MPDZ: variants seen among roughly 807,000 people sequenced by gnomAD.
MPDZ encodes multiple PDZ domain protein.
MPDZ carries 234 observed loss-of-function variants against 239.1 expected under a neutral mutation model. The ratio of observed to expected loss-of-function variants is 0.98; its 90% CI spans 0.88 to 1.09. The LOEUF (loss-of-function observed/expected upper bound fraction) is 1.09. Among genes scored for constraint, MPDZ ranks in the 50% least tolerant of loss-of-function variants. The pLI is 0.00. For missense variants in MPDZ, 3,175 were observed against 2,510.0 expected (o/e 1.26, Z -5.66); for synonymous variants, 1,048 against 881.3 (o/e 1.19, Z -3.35).
At chr9:13,161,960 T>C (rs1950540262) in intron 23 of MPDZ, among the ~76,000 whole-genome samples, 1 of 151,860 alleles carries the variant, frequency 6.6e-6, no homozygotes, top group Admixed American at 6.6e-5. Flanking sequence ...AGCAAGAAAA[T>C]TACAAATAAA....
chr9:13,170,331 A>G (rs1951626796), intron 21 of MPDZ, among the ~76,000 whole-genome samples: 1 of 152,198 alleles, frequency 6.6e-6, no homozygotes, highest in Non-Finnish European at 1.5e-5. Context: ...GATGTGGGCA[A>G]TTCAGGCTCC....
At chr9:13,226,282 A>G (rs1175595095) in intron 3 of MPDZ, among the ~76,000 whole-genome samples, 3 of 152,146 alleles carry the variant, frequency 2.0e-5, no homozygotes, top group African/African-American at 7.2e-5. Context: ...TGTGCCTTTT[A>G]AAAGAGTTTG....
chr9:13,217,411 C>G (rs1025971135), intron 8 of MPDZ, 117 bp from the exon 9 acceptor site: 1 of 653,272 alleles, frequency 1.5e-6, no homozygotes, highest in African/African-American at 1.9e-5. Flanking sequence ...TACTTTAATT[C>G]TCTAGCAAAG....
intron 22 of MPDZ, chr9:13,165,311 T>G: frequency 6.5e-7 from 1 of 1,528,450 alleles, no homozygotes; most frequent in Middle Eastern, 1.7e-4. Context: ...AAAATTGTTT[T>G]CACAGACAAG....
intron 21 of MPDZ, among the ~76,000 whole-genome samples, chr9:13,175,478 TCATA>T (rs1952346583): frequency 6.6e-6 from 1 of 152,214 alleles, no homozygotes; most frequent in Non-Finnish European, 1.5e-5. Flanking sequence ...ATTTGCTGTT[TCATA>T]CACAAACAAT....
chr9:13,275,410 C>A (rs920689526), intron 1 of MPDZ, among the ~76,000 whole-genome samples: 14 of 152,280 alleles, frequency 9.2e-5, no homozygotes, highest in African/African-American at 3.4e-4. Flanking sequence ...TTGGTAGAAA[C>A]CAATCCCACC....
At chr9:13,221,737 C>G (rs1355504919) in intron 6 of MPDZ, among the ~76,000 whole-genome samples, 1 of 151,456 alleles carries the variant, frequency 6.6e-6, no homozygotes, top group African/African-American at 2.4e-5. Flanking sequence ...TTCACTTCAA[C>G]AGTTAAAGAC....
chr9:13,227,902 G>A (rs1317040106), intron 3 of MPDZ, among the ~76,000 whole-genome samples: 2 of 151,816 alleles, frequency 1.3e-5, no homozygotes, highest in East Asian at 1.9e-4. Flanking sequence ...TTATAAATTG[G>A]CAAATTTATA....
intron 32 of MPDZ, among the ~76,000 whole-genome samples, chr9:13,133,601 C>T (rs1373615951): frequency 1.3e-5 from 2 of 152,268 alleles, no homozygotes; most frequent in Non-Finnish European, 2.9e-5. Flanking sequence ...CAAACGTAAA[C>T]GTGCATCAGG....
In MPDZ at chr9:13,136,099, T is replaced by C. The variant is rs1946697642; in HGVS notation, c.4376A>G (p.Asn1459Ser). Residue 1459 changes from asparagine (N) to serine (S), a missense_variant, in exon 31 of 47, where the codon AAT (asparagine) becomes AGT (serine). Coordinates refer to ENST00000319217, the MANE Select transcript of MPDZ (RefSeq NM_001378778.1). ...AACATAAGTTACATATACCTCCTTATTTTGAAGATTTTCTGAGTTAGAAGG... is the reference window on the plus strand; with the variant it reads ...AACATAAGTTACATATACCTCCTTACTTTGAAGATTTTCTGAGTTAGAAGG... ...PLPSNSENLQNKETEPTVTTS... is the reference protein window; with the variant it reads ...PLPSNSENLQSKETEPTVTTS... 6.2e-7 allele frequency: 1 copy of C among 1,605,422 alleles called. No individual in the cohort carries two copies. Among genetic ancestry groups the C allele is most frequent in the Non-Finnish European group, 8.5e-7 (1 of 1,173,424 alleles).
At chr9:13,223,487 T>G in intron 5 of MPDZ, 84 bp downstream of exon 5, 1 of 1,430,266 alleles carries the variant, frequency 7.0e-7, no homozygotes, top group East Asian at 2.4e-5. Flanking sequence ...TGCCATTCAT[T>G]ATTATTTTTC....
chr9:13,233,867 C>T (rs1233952172), intron 3 of MPDZ, among the ~76,000 whole-genome samples: 1 of 152,126 alleles, frequency 6.6e-6, no homozygotes, highest in Admixed American at 6.6e-5. Context: ...TAACTGAAGA[C>T]AAAGTTGGTC....
intron 3 of MPDZ, among the ~76,000 whole-genome samples, chr9:13,227,407 C>T (rs1171744991): frequency 2.0e-5 from 3 of 151,794 alleles, no homozygotes; most frequent in African/African-American, 4.8e-5. Context: ...ATGGCAACTT[C>T]AATAAAGTTT....
rs935643297 is a variant in MPDZ, at chr9:13,266,640, G to C, written c.-58+12760C>G. 2.0e-5 allele frequency among the ~76,000 whole-genome samples: 3 copies of C among 152,122 alleles called. No homozygotes were observed. The South Asian group carries it at 6.2e-4, about 32-fold the overall frequency. On this transcript the variant is annotated intron_variant, in intron 1 of 46. Coordinates refer to ENST00000319217, the MANE Select transcript of MPDZ (RefSeq NM_001378778.1). The stretch of plus-strand genomic sequence containing the variant: ...TAACTTGTTAAGACCACATTTAATA[G>C]ATTCAGTAGAGAGTCAAAGAAAATA...
rs1249265232 is a variant in MPDZ, at chr9:13,107,031, G to A, written c.6147C>T (p.Thr2049=). Residue 2049 remains threonine, a synonymous_variant, in exon 47 of 47, where the codon ACC becomes ACT. Coordinates refer to ENST00000319217, the MANE Select transcript of MPDZ (RefSeq NM_001378778.1). ...TAAGGATGGCAACAGCTTCTTCATG[G>A]GTGACTCCTTCTAGACTCTGCCCAT... ...AVNGQSLEGV[T]HEEAVAILKR... is the part of the protein sequence containing the mutation. 3 of 1,613,156 alleles carry A rather than the reference G, an allele frequency of 1.9e-6. No individual in the cohort carries two copies. The highest frequency in any genetic ancestry group is 2.5e-6 in the Non-Finnish European group (3 of 1,179,320).
At chr9:13,235,014 T>C (rs984411910) in intron 3 of MPDZ, among the ~76,000 whole-genome samples, 1 of 152,126 alleles carries the variant, frequency 6.6e-6, no homozygotes, top group Non-Finnish European at 1.5e-5. Flanking sequence ...AAAAATTTTT[T>C]ATACATGATA....
chr9:13,126,527 G>C lies in MPDZ; in HGVS notation c.4621C>G (p.Pro1541Ala), dbSNP rs755439864. 6.4e-6 allele frequency: 10 copies of C among 1,564,046 alleles called. No homozygotes were observed. The African/African-American group carries it at 1.2e-4, about 19-fold the overall frequency. ...TTTTGGAAAATTACCTTTTCAATAG[G>C]GTAACCAACAACAATTTCATCATCT... ...AVDDEIVVGY[P>A]IEKFISLLKT... Residue 1541 changes from proline (P) to alanine (A), a missense_variant, in exon 34 of 47, where the codon CCT becomes GCT. Pro to Ala is a conservative substitution (Grantham distance 27, BLOSUM62 -1). Transcript: ENST00000319217.
At chr9:13,241,844 C>A (rs1965483664) in intron 3 of MPDZ, among the ~76,000 whole-genome samples, 1 of 152,186 alleles carries the variant, frequency 6.6e-6, no homozygotes, top group Non-Finnish European at 1.5e-5. Context: ...TCTGTATCTA[C>A]AGAATAAAGA....
rs116388345 is a variant in MPDZ, at chr9:13,130,075, C to T, written c.4465-3303G>A. Among the ~76,000 whole-genome samples, 1,426 of 152,244 alleles carry T rather than the reference C, an allele frequency of 9.4e-3. 33 individuals carry two copies. Among genetic ancestry groups the T allele is most frequent in the African/African-American group, 0.033 (1,368 of 41,546 alleles). On this transcript the variant is annotated intron_variant, in intron 32 of 46. Coordinates refer to ENST00000319217, the MANE Select transcript of MPDZ (RefSeq NM_001378778.1). ...ATATGAAACACAGCTTTGACAATCA[C>T]AGAAGGCTACTACCTGCTTTGATGT...
Sources: allele counts gnomAD v4.1 joint callset (sites outside exome capture counted in the v4.1 genomes callset), GRCh38; gene constraint gnomAD v4.1.1; transcripts MANE v1.5; gene names NCBI Gene and HGNC (gene_info 2026-07-23, HGNC 2026-07-21).